CEP41: variants seen among roughly 807,000 people sequenced by gnomAD.
CEP41 encodes centrosomal protein 41, also known as centrosomal protein of 41 kDa.
Under a neutral mutation model 44.3 loss-of-function variants are expected in CEP41, and 32 were observed. The observed-to-expected ratio is 0.72, with a 90% CI of 0.54 to 0.97. CEP41 has a LOEUF of 0.97. Ranked by LOEUF, CEP41 falls within the 50% of genes least tolerant of loss-of-function variation. The pLI, the probability that CEP41 is intolerant of heterozygous loss-of-function variation, is 0.00. For synonymous variants in CEP41, 151 were observed against 168.5 expected (o/e 0.90, Z 0.80); for missense variants, 432 against 455.2 (o/e 0.95, Z 0.46).
At chr7:130,400,873 C>G (rs1554416773) in intron 8 of CEP41, 52 bp from the exon 9 acceptor site, 2 of 1,160,284 alleles carry the variant, frequency 1.7e-6, no homozygotes, top group South Asian at 2.6e-5. Flanking sequence ...TGTCCCAAGA[C>G]TACGAGAAAC....
chr7:130,437,764 CAAAAAAAAAAAAA>C, intron 1 of CEP41, among the ~76,000 whole-genome samples: 1 of 32,412 alleles, frequency 3.1e-5, no homozygotes, highest in South Asian at 1.1e-3. Context: ...AAGACTGTCT[CAAAAAAAAAAAAA>C]AAAAAAAAAA....
rs1262378895 is a variant in CEP41, at chr7:130,393,827, T to C, written c.*5064A>G. ...TAGACCTATCAGGAAAACAGCCTACTTTTTTCCCCCTACAATATAATTAAA... is the reference window on the plus strand; with the variant it reads ...TAGACCTATCAGGAAAACAGCCTACCTTTTTCCCCCTACAATATAATTAAA... On this transcript the variant is annotated 3_prime_UTR_variant, in exon 11 of 11. Coordinates refer to ENST00000223208, the MANE Select transcript of CEP41 (RefSeq NM_018718.3). The C allele has an allele frequency of 4.4e-6, 2 of 453,616 alleles. No homozygotes were observed. The highest frequency in any genetic ancestry group is 7.1e-5 in the East Asian group (1 of 14,168). The allele number at this position is 453,616 out of a possible 1,614,324, so 28.1% of individuals were successfully genotyped here.
intron 1 of CEP41, among the ~76,000 whole-genome samples, chr7:130,432,078 G>C (rs1179554413): frequency 6.6e-6 from 1 of 152,100 alleles, no homozygotes; most frequent in Non-Finnish European, 1.5e-5. Context: ...ATAGTGCCTA[G>C]GTTGGTGAAG....
At position 130,397,452 on chromosome 7, in the gene CEP41, A is replaced by G. The variant is rs1325932939; in HGVS notation, c.*1439T>C. 1 of 423,298 alleles carries G rather than the reference A, an allele frequency of 2.4e-6. No homozygotes were observed. The highest frequency in any genetic ancestry group is 4.6e-6 in the Non-Finnish European group (1 of 217,338). The allele number at this position is 423,298 out of a possible 1,614,324, so 26.2% of individuals were successfully genotyped here. ...TTCCATATGTCTCTATGAGATATTT[A>G]TTACGTTTATTTCTCATACAAACAC... On this transcript the variant is annotated 3_prime_UTR_variant, in exon 11 of 11. Transcript: ENST00000223208.
chr7:130,402,801 T>C lies in CEP41; in HGVS notation c.423-2A>G, dbSNP rs781815473. On this transcript the variant is annotated splice_acceptor_variant, in intron 6 of 10. Coordinates refer to ENST00000223208, the MANE Select transcript of CEP41 (RefSeq NM_018718.3). LOFTEE classifies it high-confidence loss of function. ...AGTTCCCCAACACCACTGATGACAC[T>C]GCAAGTGAAAAAGTAGGTCAGCAGA... 2.2e-5 allele frequency: 36 copies of C among 1,613,980 alleles called. No individual in the cohort carries two copies. Among genetic ancestry groups the C allele is most frequent in the Non-Finnish European group, 3.0e-5 (35 of 1,179,978 alleles).
intron 2 of CEP41, chr7:130,422,077 T>C (rs1797526037): frequency 6.6e-7 from 1 of 1,521,548 alleles, no homozygotes; most frequent in African/African-American, 1.4e-5. Context: ...GCACTCAGTG[T>C]TTGAGTTCAT....
rs117071818 is a variant in CEP41 at position 130,395,108 on chromosome 7, A to G, written c.*3783T>C. On this transcript the variant is annotated 3_prime_UTR_variant, in exon 11 of 11. Coordinates refer to ENST00000223208, the MANE Select transcript of CEP41 (RefSeq NM_018718.3). ...TCAAGGCTGACAAATTTCCACCATT[A>G]CATTTTTTATGTTGTAACTGACCTG... 0.011 allele frequency: 4,789 copies of G among 454,106 alleles called. 46 individuals carry two copies. Among genetic ancestry groups the G allele is most frequent in the Middle Eastern group, 0.026 (37 of 1,444 alleles). The allele number at this position is 454,106 out of a possible 1,614,324, so 28.1% of individuals were successfully genotyped here. A position where few individuals can be genotyped will look rare whatever the true frequency, so the allele number is the denominator to read the frequency against.
chr7:130,399,974 CATATG>C (rs1796792503), intron 10 of CEP41, 60 bp downstream of exon 10: 2 of 1,087,590 alleles, frequency 1.8e-6, no homozygotes, highest in South Asian at 2.5e-5. Context: ...TGAAGGTTTT[CATATG>C]ATGAGGTGAT....
intron 6 of CEP41, among the ~76,000 whole-genome samples, chr7:130,404,344 C>G (rs1796943169): frequency 6.6e-6 from 1 of 152,122 alleles, no homozygotes; most frequent in Non-Finnish European, 1.5e-5. Context: ...ATTAAACTCT[C>G]CTATTAATAT....
At chr7:130,432,420 G>A (rs1327973852) in intron 1 of CEP41, among the ~76,000 whole-genome samples, 4 of 152,000 alleles carry the variant, frequency 2.6e-5, no homozygotes, top group Admixed American at 6.6e-5. Context: ...ATGGTCAGTT[G>A]GAGTGTGCTG....
At chr7:130,411,528 TA>T (rs1289521673) in intron 4 of CEP41, among the ~76,000 whole-genome samples, 1 of 152,210 alleles carries the variant, frequency 6.6e-6, no homozygotes, top group Non-Finnish European at 1.5e-5. Context: ...GAAAATGCAA[TA>T]CTGACCTAGC....
intron 2 of CEP41, among the ~76,000 whole-genome samples, chr7:130,418,602 AATCTAGT>A (rs1797407780): frequency 6.6e-6 from 1 of 152,182 alleles, no homozygotes; most frequent in Non-Finnish European, 1.5e-5. Flanking sequence ...AGCTTTAGGC[AATCTAGT>A]CAGAAAATGA....
chr7:130,436,155 AAAAAC>A (rs782280430), intron 1 of CEP41, among the ~76,000 whole-genome samples: 2 of 152,220 alleles, frequency 1.3e-5, no homozygotes, highest in African/African-American at 2.4e-5. Context: ...CTCCGTCTCA[AAAAAC>A]AAAACAAAAC....
rs1485266834 is a variant in CEP41 at position 130,398,551 on chromosome 7, C to G, written c.*340G>C. ...TATTTACAAAACAACACAGAGAGAC[C>G]CAACAAGCTGGACCTTATTAAAAAA... On this transcript the variant is annotated 3_prime_UTR_variant, in exon 11 of 11. Transcript: ENST00000223208. 6.3e-6 allele frequency: 3 copies of G among 472,518 alleles called. No individual in the cohort carries two copies. Among genetic ancestry groups the G allele is most frequent in the African/African-American group, 2.0e-5 (1 of 50,680 alleles). 29.3% of individuals were successfully genotyped at this position (472,518 alleles called of 1,614,324 possible).
intron 1 of CEP41, among the ~76,000 whole-genome samples, chr7:130,432,713 T>C (rs543884100): frequency 3.8e-4 from 58 of 151,938 alleles, no homozygotes; most frequent in Admixed American, 7.2e-4. Flanking sequence ...TGAGCAATGT[T>C]CCTGCCATTG....
Position 130,397,506 on chromosome 7 carries a change from ATTTTTTTTTTTTT to A in CEP41, c.*1372_*1384del, listed in dbSNP as rs55776575. ...CCCCATGCTAGAAATACTGTGGTGC[ATTTTTTTTTTTTT>A]TTTTTTTTTTTTTTGGTGGCGAGAA... On this transcript the variant is annotated 3_prime_UTR_variant, in exon 11 of 11. Transcript: ENST00000223208. 3.5e-4 allele frequency: 107 copies of A among 303,658 alleles called. No individual in the cohort carries two copies. The highest frequency in any genetic ancestry group is 4.3e-4 in the South Asian group (21 of 48,776). 18.8% of individuals were successfully genotyped at this position (303,658 alleles called of 1,614,324 possible). A position where few individuals can be genotyped will look rare whatever the true frequency, so the allele number is the denominator to read the frequency against.
rs1173712659 is a variant in CEP41, at chr7:130,395,243, T to C, written c.*3648A>G. The C allele has an allele frequency of 6.6e-6, 3 of 452,652 alleles. No homozygotes were observed. Among genetic ancestry groups the C allele is most frequent in the African/African-American group, 4.0e-5 (2 of 49,936 alleles). The allele number at this position is 452,652 out of a possible 1,614,324, so 28.0% of individuals were successfully genotyped here. On this transcript the variant is annotated 3_prime_UTR_variant, in exon 11 of 11. Coordinates refer to ENST00000223208, the MANE Select transcript of CEP41 (RefSeq NM_018718.3). ...CATTTTGGAAGCACAATGTTATTTA[T>C]TGCTTTTGCATGAAAAAATAATTGT...
chr7:130,398,680 C>A lies in CEP41; in HGVS notation c.*211G>T. The stretch of plus-strand genomic sequence containing the variant: ...AGGGAGGAGACTAGAGCCTGTCACA[C>A]CTCTGGTTTTTATGGTCACCTGTCA... On this transcript the variant is annotated 3_prime_UTR_variant, in exon 11 of 11. Coordinates refer to ENST00000223208, the MANE Select transcript of CEP41 (RefSeq NM_018718.3). 1 of 743,184 alleles carries A rather than the reference C, an allele frequency of 1.3e-6. No homozygotes were observed. The highest frequency in any genetic ancestry group is 2.4e-6 in the Non-Finnish European group (1 of 408,306). 46.0% of individuals were successfully genotyped at this position (743,184 alleles called of 1,614,324 possible).
At chr7:130,416,886 C>T (rs782117695) in intron 3 of CEP41, 33 bp downstream of exon 3, 5 of 1,507,214 alleles carry the variant, frequency 3.3e-6, no homozygotes, top group South Asian at 1.1e-5. Flanking sequence ...CTATAGACTT[C>T]CACTCTCCCA....
Sources: gnomAD v4.1 joint callset for allele counts (sites outside exome capture counted in the v4.1 genomes callset) on GRCh38, gnomAD v4.1.1 for gene constraint, MANE v1.5 for transcripts, NCBI Gene and HGNC (gene_info 2026-07-23, HGNC 2026-07-21) for gene names.